Variants in LAPTM4B observed in about 807,000 individuals in gnomAD.
The protein encoded by LAPTM4B is lysosomal protein transmembrane 4 beta, also known as lysosomal-associated transmembrane protein 4B.
A neutral mutation model predicts 28.5 loss-of-function variants in LAPTM4B; 26 were observed. The observed-to-expected ratio is 0.91, with a 90% CI of 0.67 to 1.27. The LOEUF is 1.27. Ranked by LOEUF, LAPTM4B falls within the 50% of genes most tolerant of loss-of-function variation. The pLI is 0.00. For synonymous variants in LAPTM4B, 109 were observed against 106.4 expected (o/e 1.02, Z -0.15); for missense variants, 288 against 285.8 (o/e 1.01, Z -0.06).
At chr8:97,832,946 T>A (rs1426357281) in intron 6 of LAPTM4B, among the ~76,000 whole-genome samples, 1 of 150,038 alleles carries the variant, frequency 6.7e-6, no homozygotes, top group Admixed American at 6.6e-5. Flanking sequence ...CCTCAAGTGA[T>A]CCACCCACCT....
chr8:97,808,671 A>C (rs1328591207), intron 2 of LAPTM4B, among the ~76,000 whole-genome samples: 1 of 151,840 alleles, frequency 6.6e-6, no homozygotes, highest in Non-Finnish European at 1.5e-5. Context: ...GTAATTACAG[A>C]CTGGGTGCGG....
intron 6 of LAPTM4B, among the ~76,000 whole-genome samples, chr8:97,830,210 G>A (rs1817160180): frequency 6.6e-6 from 1 of 152,126 alleles, no homozygotes; most frequent in African/African-American, 2.4e-5. Flanking sequence ...GTGGGTGGGT[G>A]AGGTTGATGG....
chr8:97,840,279 C>A (rs2129844288), intron 6 of LAPTM4B, among the ~76,000 whole-genome samples: 1 of 152,284 alleles, frequency 6.6e-6, no homozygotes, highest in South Asian at 2.1e-4. Flanking sequence ...AATTTTTGGA[C>A]CCAACTGAAA....
chr8:97,777,148 T>G (rs1404763149), intron 1 of LAPTM4B, among the ~76,000 whole-genome samples: 2 of 134,394 alleles, frequency 1.5e-5, no homozygotes, highest in African/African-American at 5.6e-5. Flanking sequence ...TTTTTTTTTT[T>G]TTTTTTTTTT....
intron 6 of LAPTM4B, among the ~76,000 whole-genome samples, chr8:97,846,705 A>G (rs929667316): frequency 2.0e-5 from 3 of 152,128 alleles, no homozygotes; most frequent in African/African-American, 7.2e-5. Flanking sequence ...GATGGAGTGC[A>G]TTCATTTTTC....
chr8:97,853,001 T>G lies in LAPTM4B; in HGVS notation c.*1527T>G, dbSNP rs567602361. 1.6e-5 allele frequency: 13 copies of G among 819,230 alleles called. No homozygotes were observed. Among genetic ancestry groups the G allele is most frequent in the African/African-American group, 1.5e-4 (9 of 58,112 alleles). The allele number at this position is 819,230 out of a possible 1,614,324, so 50.7% of individuals were successfully genotyped here. ...GCCGGCATACAAATGTTATCTACAGTGTATTTTTAGATTTTTTATACTTGA... is the reference window on the plus strand; with the variant it reads ...GCCGGCATACAAATGTTATCTACAGGGTATTTTTAGATTTTTTATACTTGA... On this transcript the variant is annotated 3_prime_UTR_variant, in exon 7 of 7. Coordinates refer to ENST00000521545, the MANE Select transcript of LAPTM4B (RefSeq NM_018407.6).
rs531820732 is a variant in LAPTM4B, at chr8:97,785,489, C to T, written c.99+9381C>T. On this transcript the variant is annotated intron_variant, in intron 1 of 6. Coordinates refer to ENST00000521545, the MANE Select transcript of LAPTM4B (RefSeq NM_018407.6). ...GATTCACTTTAAATATATTTAACTT[C>T]GACCTAAAAGGAAGAAGCTGAGGCA... Among the ~76,000 whole-genome samples the T allele has an allele frequency of 7.9e-5, 12 of 152,078 alleles. No individual in the cohort carries two copies. The East Asian group carries it at 1.9e-3, about 24-fold the overall frequency.
intron 1 of LAPTM4B, among the ~76,000 whole-genome samples, chr8:97,783,392 G>C (rs1341511067): frequency 6.6e-6 from 1 of 151,948 alleles, no homozygotes; most frequent in Non-Finnish European, 1.5e-5. Flanking sequence ...CTCAAGTAAA[G>C]GAAACCAGAA....
intron 1 of LAPTM4B, among the ~76,000 whole-genome samples, chr8:97,802,200 G>A (rs1402309436): frequency 6.6e-6 from 1 of 152,150 alleles, no homozygotes; most frequent in African/African-American, 2.4e-5. Flanking sequence ...ATTAAGTAAA[G>A]AAACAAAAGA....
intron 6 of LAPTM4B, among the ~76,000 whole-genome samples, chr8:97,830,736 TG>T (rs957859119): frequency 5.9e-5 from 9 of 152,120 alleles, no homozygotes; most frequent in African/African-American, 1.9e-4. Flanking sequence ...GTAAACAACC[TG>T]GTAGGGTTCC....
chr8:97,849,346 T>G (rs1817481631), intron 6 of LAPTM4B, among the ~76,000 whole-genome samples: 1 of 152,196 alleles, frequency 6.6e-6, no homozygotes. Context: ...CAGTGACATG[T>G]TTTCAGGTTC....
intron 1 of LAPTM4B, among the ~76,000 whole-genome samples, chr8:97,781,484 G>T (rs1185157068): frequency 7.2e-6 from 1 of 138,614 alleles, no homozygotes; most frequent in Non-Finnish European, 1.5e-5. Context: ...CATTATGTTG[G>T]CCAGGCTGGT....
At chr8:97,800,314 T>G (rs941428334) in intron 1 of LAPTM4B, among the ~76,000 whole-genome samples, 37 of 152,190 alleles carry the variant, frequency 2.4e-4, no homozygotes, top group Non-Finnish European at 2.9e-5. Flanking sequence ...TCTAGAAAAC[T>G]AGTAACCAAG....
chr8:97,823,713 TCGGAG>T (rs1817047442), intron 5 of LAPTM4B, among the ~76,000 whole-genome samples: 2 of 47,096 alleles, frequency 4.2e-5, no homozygotes, highest in Non-Finnish European at 9.4e-5. Context: ...TTTTTTTTTT[TCGGAG>T]ATGGAGTCTC....
intron 1 of LAPTM4B, among the ~76,000 whole-genome samples, chr8:97,785,031 A>G (rs1278358405): frequency 2.6e-5 from 4 of 152,186 alleles, no homozygotes; most frequent in Non-Finnish European, 5.9e-5. Flanking sequence ...GGGCAGTTCT[A>G]TAGAACATTG....
chr8:97,778,628 C>T (rs772564017), intron 1 of LAPTM4B, among the ~76,000 whole-genome samples: 68 of 152,156 alleles, frequency 4.5e-4, no homozygotes, highest in Non-Finnish European at 8.2e-4. Flanking sequence ...CACCCAAAGC[C>T]CCGCGTCTGT....
At chr8:97,812,745 C>T (rs1816850485) in intron 2 of LAPTM4B, among the ~76,000 whole-genome samples, 1 of 152,190 alleles carries the variant, frequency 6.6e-6, no homozygotes, top group East Asian at 1.9e-4. Flanking sequence ...AAGACAACCT[C>T]AGAGTGGGAG....
At chr8:97,836,990 G>A (rs372528417) in intron 6 of LAPTM4B, among the ~76,000 whole-genome samples, 4 of 151,978 alleles carry the variant, frequency 2.6e-5, no homozygotes, top group African/African-American at 9.6e-5. Context: ...CTGGGGCAAA[G>A]GCCAGATTAT....
At chr8:97,833,807 T>C (rs768146305) in intron 6 of LAPTM4B, among the ~76,000 whole-genome samples, 3 of 152,234 alleles carry the variant, frequency 2.0e-5, no homozygotes, top group Non-Finnish European at 2.9e-5. Flanking sequence ...CCTAGATTTA[T>C]TGATCATTAG....
Sources: allele counts gnomAD v4.1 joint callset (sites outside exome capture counted in the v4.1 genomes callset), GRCh38; gene constraint gnomAD v4.1.1; transcripts MANE v1.5; gene names NCBI Gene and HGNC (gene_info 2026-07-23, HGNC 2026-07-21).